ARHGAP26: variants seen among roughly 807,000 people sequenced by gnomAD.
ARHGAP26 encodes the protein Rho GTPase activating protein 26, also known as rho GTPase-activating protein 26.
A neutral mutation model predicts 104.8 loss-of-function variants in ARHGAP26; 38 were observed. The observed-to-expected ratio is 0.36, with a 90% CI of 0.28 to 0.48. ARHGAP26 has a LOEUF of 0.48. Among genes scored for constraint, ARHGAP26 ranks in the 20% least tolerant of loss-of-function variants. ARHGAP26 has a pLI of 0.99. For missense variants in ARHGAP26, 704 were observed against 947.9 expected (o/e 0.74, Z 3.38); for synonymous variants, 341 against 340.0 (o/e 1.00, Z -0.03).
intron 11 of ARHGAP26, among the ~76,000 whole-genome samples, chr5:142,987,381 T>C (rs1774913210): frequency 6.6e-6 from 1 of 152,354 alleles, no homozygotes; most frequent in East Asian, 1.9e-4. Context: ...CTTATCAGCT[T>C]AAGGAGATTT....
At chr5:142,867,672 C>T (rs1256059372) in intron 1 of ARHGAP26, among the ~76,000 whole-genome samples, 5 of 152,072 alleles carry the variant, frequency 3.3e-5, no homozygotes. Flanking sequence ...TCTCCAGCTT[C>T]CTTGGTATAG....
intron 17 of ARHGAP26, among the ~76,000 whole-genome samples, chr5:143,062,278 TTGACTTTACTCC>T (rs1786825162): frequency 6.6e-6 from 1 of 152,220 alleles, no homozygotes; most frequent in Non-Finnish European, 1.5e-5. Context: ...GAGGGCAAAA[TTGACTTTACTCC>T]ATTGCCTCTT....
intron 1 of ARHGAP26, among the ~76,000 whole-genome samples, chr5:142,783,189 C>G (rs926375018): frequency 1.2e-4 from 18 of 152,220 alleles, no homozygotes; most frequent in Admixed American, 1.2e-3. Context: ...AGGGTGTTTG[C>G]ATTACTGCAG....
intron 12 of ARHGAP26, among the ~76,000 whole-genome samples, chr5:143,026,179 G>A (rs1476879815): frequency 6.6e-6 from 1 of 152,196 alleles, no homozygotes; most frequent in African/African-American, 2.4e-5. Flanking sequence ...CTTTTGGCCT[G>A]TCGGCTCCTT....
At chr5:142,784,206 A>G (rs983535322) in intron 1 of ARHGAP26, among the ~76,000 whole-genome samples, 1 of 152,226 alleles carries the variant, frequency 6.6e-6, no homozygotes, top group Non-Finnish European at 1.5e-5. Flanking sequence ...CCTCTTACGT[A>G]GCCAGCATGC....
At chr5:143,163,244 C>T (rs1293728553) in intron 20 of ARHGAP26, among the ~76,000 whole-genome samples, 3 of 152,198 alleles carry the variant, frequency 2.0e-5, no homozygotes, top group African/African-American at 4.8e-5. Context: ...ATGCAAGATA[C>T]ATTTTAAGTG....
intron 1 of ARHGAP26, among the ~76,000 whole-genome samples, chr5:142,774,703 A>G (rs1755942173): frequency 6.6e-6 from 1 of 152,150 alleles, no homozygotes; most frequent in African/African-American, 2.4e-5. Context: ...GAATACTTTC[A>G]CTACCCTAAA....
chr5:143,214,083 A>G lies in ARHGAP26; in HGVS notation c.2186A>G (p.Asp729Gly). ...ELSFTAGTVF[D>G]NVHPSQEPGW... Reference sequence around the variant, plus strand: ...TCGTTCACAGCAGGCACGGTCTTCGATAACGGTGAGTTTCTCATCCCCTCA... The same window carrying G: ...TCGTTCACAGCAGGCACGGTCTTCGGTAACGGTGAGTTTCTCATCCCCTCA... Residue 729 changes from aspartate (D) to glycine (G), a missense_variant, in exon 22 of 23, where the codon GAT (aspartate) becomes GGT (glycine). By Grantham distance (94) the Asp-to-Gly change is moderately conservative. This residue lies in a region of ARHGAP26 where 217 missense variants were observed against 242.6 expected (regional missense o/e 0.89). Coordinates refer to ENST00000645722, the MANE Select transcript of ARHGAP26 (RefSeq NM_001135608.3). 1 of 1,305,314 alleles carries G rather than the reference A, an allele frequency of 7.7e-7. No individual in the cohort carries two copies. The highest frequency in any genetic ancestry group is 1.0e-6 in the Non-Finnish European group (1 of 964,450). The allele number at this position is 1,305,314 out of a possible 1,614,324, so 80.9% of individuals were successfully genotyped here. A position where few individuals can be genotyped will look rare whatever the true frequency, so the allele number is the denominator to read the frequency against.
At chr5:142,848,835 C>G (rs556013558) in intron 1 of ARHGAP26, among the ~76,000 whole-genome samples, 1 of 152,312 alleles carries the variant, frequency 6.6e-6, no homozygotes, top group South Asian at 2.1e-4. Context: ...TGGGAATTAA[C>G]CAGTGGGCAT....
chr5:142,969,796 G>A (rs1707350397), intron 11 of ARHGAP26, among the ~76,000 whole-genome samples: 2 of 151,960 alleles, frequency 1.3e-5, no homozygotes, highest in South Asian at 4.2e-4. Context: ...GAGGAGTATG[G>A]GTTGAGGACC....
intron 5 of ARHGAP26, 148 bp downstream of exon 5, chr5:142,885,547 T>TG: frequency 1.6e-6 from 1 of 626,094 alleles, no homozygotes; most frequent in Non-Finnish European, 2.8e-6. Context: ...ATCCAGTGCC[T>TG]GATGCCTGGA....
chr5:142,982,966 C>T (rs940439480), intron 11 of ARHGAP26, among the ~76,000 whole-genome samples: 1 of 152,154 alleles, frequency 6.6e-6, no homozygotes, highest in African/African-American at 2.4e-5. Context: ...GCACATGCAG[C>T]CTTGCATCTG....
intron 5 of ARHGAP26, among the ~76,000 whole-genome samples, chr5:142,891,303 T>A (rs1204585386): frequency 6.6e-6 from 1 of 151,944 alleles, no homozygotes; most frequent in Admixed American, 6.5e-5. Context: ...TTTCCCTGAT[T>A]GGAAGTCTTA....
chr5:142,852,896 G>GA (rs1276750326), intron 1 of ARHGAP26, among the ~76,000 whole-genome samples: 2 of 152,212 alleles, frequency 1.3e-5, no homozygotes, highest in Non-Finnish European at 2.9e-5. Context: ...ATGTCCTGTT[G>GA]AAGCACCATG....
chr5:143,073,194 A>G (rs927881347), intron 17 of ARHGAP26, among the ~76,000 whole-genome samples: 1 of 152,228 alleles, frequency 6.6e-6, no homozygotes, highest in African/African-American at 2.4e-5. Context: ...CTAATAAACT[A>G]ATCCATAAAG....
At chr5:142,848,277 C>T (rs544655133) in intron 1 of ARHGAP26, among the ~76,000 whole-genome samples, 1 of 152,224 alleles carries the variant, frequency 6.6e-6, no homozygotes, top group Non-Finnish European at 1.5e-5. Flanking sequence ...CTGATACTCT[C>T]TGAGCTGTTT....
intron 21 of ARHGAP26, among the ~76,000 whole-genome samples, chr5:143,208,247 T>G (rs2398617): frequency 0.3 from 46,113 of 152,028 alleles, 7,340 homozygotes; most frequent in South Asian, 0.52. Context: ...AGAATTCCTA[T>G]GCTGTGGAGC....
intron 1 of ARHGAP26, among the ~76,000 whole-genome samples, chr5:142,862,705 C>T (rs1753580608): frequency 6.6e-6 from 1 of 152,164 alleles, no homozygotes; most frequent in Non-Finnish European, 1.5e-5. Flanking sequence ...ATCTGCTTGA[C>T]TTCTCTGGCT....
At chr5:143,092,462 C>G (rs911699731) in intron 17 of ARHGAP26, among the ~76,000 whole-genome samples, 4 of 152,192 alleles carry the variant, frequency 2.6e-5, no homozygotes, top group African/African-American at 9.7e-5. Flanking sequence ...CTGCACCCGG[C>G]CACATCCCGT....
Sources: gnomAD v4.1 joint callset for allele counts (sites outside exome capture counted in the v4.1 genomes callset) on GRCh38, gnomAD v4.1.1 for gene constraint, gnomAD v4.1.1 regional missense constraint, MANE v1.5 for transcripts, NCBI Gene and HGNC (gene_info 2026-07-23, HGNC 2026-07-21) for gene names.